The following ULK4 variants were observed in gnomAD, a reference collection of about 807,000 sequenced individuals.
ULK4 encodes the protein inactive serine/threonine-protein kinase ULK4.
ULK4 carries 133 observed loss-of-function variants against 160.6 expected under a neutral mutation model. The ratio of observed to expected loss-of-function variants is 0.83; its 90% CI spans 0.72 to 0.96. The LOEUF (loss-of-function observed/expected upper bound fraction) is 0.96, where lower values mean the gene tolerates loss of function less well. ULK4 is among the 40% of genes least tolerant of loss of function. The pLI is 0.00. For missense variants in ULK4, 1,580 were observed against 1,499.5 expected (o/e 1.05, Z -0.89); for synonymous variants, 534 against 539.8 (o/e 0.99, Z 0.15).
At chr3:41,401,692 C>T (rs903586753) in intron 34 of ULK4, among the ~76,000 whole-genome samples, 28 of 152,072 alleles carry the variant, frequency 1.8e-4, no homozygotes, top group African/African-American at 6.8e-4. Flanking sequence ...AAATCTTGGA[C>T]CCTTGATGAT....
chr3:41,706,408 A>G (rs986691085), intron 25 of ULK4, among the ~76,000 whole-genome samples: 115 of 144,838 alleles, frequency 7.9e-4, no homozygotes, highest in Non-Finnish European at 1.2e-3. Flanking sequence ...AATATATATA[A>G]TTAAATATAT....
intron 21 of ULK4, among the ~76,000 whole-genome samples, chr3:41,786,468 G>A (rs58984578): frequency 0.12 from 17,593 of 151,726 alleles, 3,288 homozygotes; most frequent in African/African-American, 0.39. Context: ...CAGACATGGC[G>A]GTGCACGCCA....
At chr3:41,799,714 T>C (rs893534872) in intron 20 of ULK4, among the ~76,000 whole-genome samples, 1 of 151,834 alleles carries the variant, frequency 6.6e-6, no homozygotes, top group African/African-American at 2.4e-5. Context: ...TACAAAAAAA[T>C]AAGCCAGGCC....
intron 21 of ULK4, among the ~76,000 whole-genome samples, chr3:41,765,050 T>C (rs1032271810): frequency 6.6e-6 from 1 of 152,184 alleles, no homozygotes; most frequent in Admixed American, 6.5e-5. Flanking sequence ...AGCCATCTCA[T>C]TACTGGGTAT....
chr3:41,567,587 C>A (rs940478582), intron 31 of ULK4, among the ~76,000 whole-genome samples: 11 of 151,402 alleles, frequency 7.3e-5, no homozygotes, highest in African/African-American at 2.7e-4. Context: ...GGTGGGACTA[C>A]AGGCATGCAC....
intron 17 of ULK4, among the ~76,000 whole-genome samples, chr3:41,846,820 AAAAAT>A (rs1198011894): frequency 6.6e-6 from 1 of 151,996 alleles, no homozygotes; most frequent in African/African-American, 2.4e-5. Flanking sequence ...AAAAAAAAAA[AAAAAT>A]CTTACCATTG....
chr3:41,796,579 A>C (rs2125599850), intron 20 of ULK4, among the ~76,000 whole-genome samples: 1 of 152,182 alleles, frequency 6.6e-6, no homozygotes, highest in South Asian at 2.1e-4. Flanking sequence ...GCAACAGAGC[A>C]ACACTCTGTC....
At position 41,736,810 on chromosome 3, in the gene ULK4, G is replaced by C. The variant is rs372382765; in HGVS notation, c.2321+17551C>G. The stretch of plus-strand genomic sequence containing the variant: ...GGTATTGCCTAGGTTTTCTTCTAGG[G>C]TTTTTATGGTTTTAGGTCTAACGTT... On this transcript the variant is annotated intron_variant, in intron 22 of 36. Transcript: ENST00000301831. Among the ~76,000 whole-genome samples the C allele has an allele frequency of 1.4e-3, 205 of 151,562 alleles. 2 individuals are homozygous for C. In the East Asian group the frequency reaches 0.033, roughly 24 times the overall value.
At chr3:41,542,303 A>C (rs2086723128) in intron 32 of ULK4, among the ~76,000 whole-genome samples, 1 of 152,110 alleles carries the variant, frequency 6.6e-6, no homozygotes, top group African/African-American at 2.4e-5. Flanking sequence ...GGTTCTGTTT[A>C]TGTGATGTAT....
At chr3:41,471,029 T>C (rs898847151) in intron 32 of ULK4, among the ~76,000 whole-genome samples, 1 of 151,232 alleles carries the variant, frequency 6.6e-6, no homozygotes, top group African/African-American at 2.4e-5. Context: ...CATAGAGTAA[T>C]TGAATGAATT....
intron 2 of ULK4, among the ~76,000 whole-genome samples, chr3:41,950,166 G>A (rs911337523): frequency 2.0e-5 from 3 of 151,104 alleles, no homozygotes; most frequent in Non-Finnish European, 4.4e-5. Flanking sequence ...GGCTCACTGC[G>A]ACCCCTGCCA....
At chr3:41,834,888 AC>A (rs1285276280) in intron 18 of ULK4, among the ~76,000 whole-genome samples, 6 of 152,168 alleles carry the variant, frequency 3.9e-5, no homozygotes, top group African/African-American at 1.4e-4. Context: ...CACAAAATAT[AC>A]AAAAAATTAG....
At chr3:41,254,264 C>A (rs1034765670) in intron 35 of ULK4, among the ~76,000 whole-genome samples, 2 of 152,118 alleles carry the variant, frequency 1.3e-5, no homozygotes, top group Non-Finnish European at 2.9e-5. Context: ...TATCTTAACA[C>A]ATTTAAAAAA....
chr3:41,457,372 T>C (rs2083578820), intron 33 of ULK4, among the ~76,000 whole-genome samples: 1 of 152,044 alleles, frequency 6.6e-6, no homozygotes, highest in African/African-American at 2.4e-5. Context: ...TACGTCATAG[T>C]CGCCAAGAAA....
intron 17 of ULK4, among the ~76,000 whole-genome samples, chr3:41,864,175 A>G (rs987866680): frequency 1.6e-5 from 2 of 126,606 alleles, no homozygotes; most frequent in African/African-American, 9.2e-5. Context: ...TGCTCTCTCC[A>G]TGGCAGGCAT....
chr3:41,633,988 G>A (rs1029199487), intron 30 of ULK4, among the ~76,000 whole-genome samples: 1 of 152,152 alleles, frequency 6.6e-6, no homozygotes, highest in East Asian at 1.9e-4. Context: ...CTACAATAGA[G>A]AAAACCAGCA....
chr3:41,478,622 C>A (rs2084214144), intron 32 of ULK4, among the ~76,000 whole-genome samples: 2 of 152,200 alleles, frequency 1.3e-5, no homozygotes, highest in African/African-American at 4.8e-5. Flanking sequence ...GTCCAAGTTA[C>A]ATACTTGAGA....
At chr3:41,583,893 A>C (rs2030578565) in intron 31 of ULK4, among the ~76,000 whole-genome samples, 1 of 152,246 alleles carries the variant, frequency 6.6e-6, no homozygotes, top group African/African-American at 2.4e-5. Flanking sequence ...AGAGGAAGAC[A>C]GAAATGGCTA....
intron 34 of ULK4, among the ~76,000 whole-genome samples, chr3:41,418,496 C>T (rs1410035948): frequency 6.6e-6 from 1 of 152,160 alleles, no homozygotes; most frequent in Non-Finnish European, 1.5e-5. Context: ...GTCAACTGTA[C>T]TACTCTTTGT....
Sources: allele counts gnomAD v4.1 joint callset (sites outside exome capture counted in the v4.1 genomes callset), GRCh38; gene constraint gnomAD v4.1.1; transcripts MANE v1.5; gene names NCBI Gene and HGNC (gene_info 2026-07-23, HGNC 2026-07-21).